HMCN1: variants seen among roughly 807,000 people sequenced by gnomAD.
HMCN1 encodes hemicentin 1.
In HMCN1, 321 loss-of-function variants were observed where a neutral mutation model predicts 625.9. The ratio of observed to expected loss-of-function variants is 0.51; its 90% confidence interval spans 0.47 to 0.56. The LOEUF is 0.56. Ranked by LOEUF, HMCN1 falls within the 20% of genes least tolerant of loss-of-function variation. HMCN1 has a pLI of 0.00. For synonymous variants in HMCN1, 2,425 were observed against 2,417.6 expected, an observed-to-expected ratio of 1.00 and a Z score of -0.09; for missense variants, 6,588 against 6,887.3, an observed-to-expected ratio of 0.96 and a Z score of 1.54.
intron 4 of HMCN1, among the ~76,000 whole-genome samples, chr1:185,908,506 A>G (rs1276374760): frequency 6.6e-6 from 1 of 151,944 alleles, no homozygotes; most frequent in Non-Finnish European, 1.5e-5. Context: ...AAGATCATCC[A>G]AGGAGTACCT....
At chr1:186,179,881 T>C (rs1459710701) in intron 104 of HMCN1, among the ~76,000 whole-genome samples, 1 of 152,162 alleles carries the variant, frequency 6.6e-6, no homozygotes, top group African/African-American at 2.4e-5. Context: ...CTCCACTCAG[T>C]TGGGCCCTCA....
intron 6 of HMCN1, among the ~76,000 whole-genome samples, chr1:185,920,434 GTTAT>G (rs1558065860): frequency 6.6e-6 from 1 of 152,046 alleles, no homozygotes; most frequent in Non-Finnish European, 1.5e-5. Context: ...AAGATATTTT[GTTAT>G]TTATTACTCT....
intron 1 of HMCN1, among the ~76,000 whole-genome samples, chr1:185,770,602 C>T (rs555698960): frequency 2.0e-5 from 3 of 152,006 alleles, no homozygotes; most frequent in Non-Finnish European, 4.4e-5. Flanking sequence ...CTTTTTTTTG[C>T]ACTTGTAAAT....
chr1:185,935,076 A>G (rs906250797), intron 11 of HMCN1, among the ~76,000 whole-genome samples: 4 of 152,150 alleles, frequency 2.6e-5, no homozygotes, highest in African/African-American at 9.7e-5. Context: ...AACTTGGGTT[A>G]CTAGAACTCT....
Position 185,992,029 on chromosome 1 carries a change from T to C in HMCN1, c.3378-1153T>C, listed in dbSNP as rs574195937. On this transcript the variant is annotated intron_variant, in intron 22 of 106. Transcript: ENST00000271588. ...TAATTTTCATGTGATTAACTTCAAG[T>C]GAACTGAGAACACTTTTACGTGTTT... Among the ~76,000 whole-genome samples the C allele has an allele frequency of 3.3e-5, 5 of 152,208 alleles. No homozygotes were observed. The South Asian group carries it at 1.0e-3, about 32-fold the overall frequency.
chr1:185,821,415 C>T lies in HMCN1; in HGVS notation c.269-24611C>T, dbSNP rs147461713. On this transcript the variant is annotated intron_variant, in intron 1 of 106. Coordinates refer to ENST00000271588, the MANE Select transcript of HMCN1 (RefSeq NM_031935.3). Reference sequence around the variant, plus strand: ...TAGAAAGGTTTAGGAAACTCATACTCGTATTCTGTCATATAATAATAGATG... The same window carrying T: ...TAGAAAGGTTTAGGAAACTCATACTTGTATTCTGTCATATAATAATAGATG... Among the ~76,000 whole-genome samples the T allele has an allele frequency of 5.9e-5, 9 of 152,124 alleles. No homozygotes were observed. The South Asian group carries it at 8.3e-4, about 14-fold the overall frequency.
intron 1 of HMCN1, among the ~76,000 whole-genome samples, chr1:185,743,327 A>C (rs190745664): frequency 2.0e-5 from 3 of 152,324 alleles, no homozygotes; most frequent in Admixed American, 2.0e-4. Context: ...CAACATAATA[A>C]TTTGCTAATT....
chr1:186,029,548 T>A (rs1655281147), intron 36 of HMCN1, among the ~76,000 whole-genome samples: 1 of 151,808 alleles, frequency 6.6e-6, no homozygotes, highest in African/African-American at 2.4e-5. Context: ...AGTTTTTTTT[T>A]TTTATTTCTG....
chr1:186,034,366 C>A (rs1655679626), intron 36 of HMCN1, among the ~76,000 whole-genome samples: 1 of 152,112 alleles, frequency 6.6e-6, no homozygotes, highest in African/African-American at 2.4e-5. Flanking sequence ...TTTAAGCTAC[C>A]AAGTTTGAGG....
chr1:186,007,053 T>C (rs1261486583), intron 29 of HMCN1, 75 bp from the exon 30 acceptor site: 23 of 1,141,388 alleles, frequency 2.0e-5, no homozygotes, highest in Admixed American at 5.1e-5. Context: ...CCTGTACTAA[T>C]GATTTTTGTT....
At chr1:186,106,674 G>A (rs1296058965) in intron 69 of HMCN1, among the ~76,000 whole-genome samples, 2 of 152,028 alleles carry the variant, frequency 1.3e-5, no homozygotes, top group East Asian at 1.9e-4. Context: ...TTCTTAAATC[G>A]ATACCAAAAT....
In HMCN1 at chr1:185,997,102, A is replaced by T. The variant is rs376018892; in HGVS notation, c.3779-327A>T. On this transcript the variant is annotated intron_variant, in intron 24 of 106. Transcript: ENST00000271588. Reference sequence around the variant, plus strand: ...GAGGAAGACACAGATATGTGAATATATGTGGTACTATGTGATTGGATATGG... The same window carrying T: ...GAGGAAGACACAGATATGTGAATATTTGTGGTACTATGTGATTGGATATGG... Among the ~76,000 whole-genome samples the T allele has an allele frequency of 2.0e-5, 3 of 152,104 alleles. No homozygotes were observed. In the East Asian group the frequency reaches 5.8e-4, roughly 29 times the overall value.
intron 1 of HMCN1, among the ~76,000 whole-genome samples, chr1:185,740,612 G>C (rs1653919856): frequency 1.4e-5 from 2 of 146,372 alleles, no homozygotes; most frequent in African/African-American, 2.5e-5. Context: ...ACAGGTTAAT[G>C]TCTTCCCTTG....
chr1:186,130,593 G>A lies in HMCN1; in HGVS notation c.13126G>A (p.Asp4376Asn), dbSNP rs771551118. ...NAILNCEVKGDPTPTIQWNRK... is the reference protein window; with the variant it reads ...NAILNCEVKGNPTPTIQWNRK... Reference sequence around the variant, plus strand: ...AATCCTGAATTGTGAGGTGAAAGGAGACCCCACCCCAACCATCCAGTGGAA... The same window carrying A: ...AATCCTGAATTGTGAGGTGAAAGGAAACCCCACCCCAACCATCCAGTGGAA... Residue 4376 changes from aspartate (D) to asparagine (N), a missense_variant, in exon 85 of 107, where the codon GAC (aspartate) becomes AAC (asparagine). By Grantham distance (23) the Asp-to-Asn change is conservative (BLOSUM62 1). Coordinates refer to ENST00000271588, the MANE Select transcript of HMCN1 (RefSeq NM_031935.3). 6.2e-7 allele frequency: 1 copy of A among 1,613,526 alleles called. No individual in the cohort carries two copies. Among genetic ancestry groups the A allele is most frequent in the Non-Finnish European group, 8.5e-7 (1 of 1,179,612 alleles).
chr1:186,165,739 G>C (rs1224084059), intron 98 of HMCN1, among the ~76,000 whole-genome samples: 1 of 152,192 alleles, frequency 6.6e-6, no homozygotes, highest in African/African-American at 2.4e-5. Flanking sequence ...TGATAAAGAG[G>C]TGGTCTTTCC....
At chr1:185,775,627 G>A (rs368700296) in intron 1 of HMCN1, among the ~76,000 whole-genome samples, 1 of 152,180 alleles carries the variant, frequency 6.6e-6, no homozygotes, top group Non-Finnish European at 1.5e-5. Flanking sequence ...AGTTGTTTAG[G>A]AGTCAAATAA....
chr1:185,874,262 C>A (rs1327972689), intron 4 of HMCN1, among the ~76,000 whole-genome samples: 1 of 151,846 alleles, frequency 6.6e-6, no homozygotes, highest in Non-Finnish European at 1.5e-5. Flanking sequence ...ATTTAAATAC[C>A]AAACATATAT....
intron 15 of HMCN1, among the ~76,000 whole-genome samples, chr1:185,975,663 T>C (rs530647271): frequency 6.6e-6 from 1 of 152,228 alleles, no homozygotes; most frequent in Non-Finnish European, 1.5e-5. Context: ...GTTTAAAATA[T>C]GTTTATTTTG....
chr1:186,070,676 C>A lies in HMCN1; in HGVS notation c.8058C>A (p.Ile2686=). The stretch of plus-strand genomic sequence containing the variant: ...GTCTTTCCCCTAAAGAAGTGAAGAT[C>A]AAAGTAAACAACACTCTGACCTTGG... ...GPGLSPKEVK[I]KVNNTLTLEC... The change falls in exon 52 of 107, where the codon ATC becomes ATA. Residue 2686 remains isoleucine, a synonymous_variant. Coordinates refer to ENST00000271588, the MANE Select transcript of HMCN1 (RefSeq NM_031935.3). 6.2e-7 allele frequency: 1 copy of A among 1,613,542 alleles called. No individual in the cohort carries two copies. The highest frequency in any genetic ancestry group is 1.1e-5 in the South Asian group (1 of 91,076).
Sources: allele counts gnomAD v4.1 joint callset (sites outside exome capture counted in the v4.1 genomes callset), GRCh38; gene constraint gnomAD v4.1.1; transcripts MANE v1.5; gene names NCBI Gene and HGNC (gene_info 2026-07-23, HGNC 2026-07-21).